ITGA8: variants seen among roughly 807,000 people sequenced by gnomAD.
ITGA8 encodes integrin subunit alpha 8, also known as integrin alpha-8.
ITGA8 carries 91 observed loss-of-function variants against 142.3 expected under a neutral mutation model. That is an observed-to-expected ratio of 0.64 (90% CI 0.54 to 0.76). The LOEUF is 0.76. ITGA8 is among the 30% of genes least tolerant of loss of function. The pLI, the probability that ITGA8 is intolerant of heterozygous loss-of-function variation, is 0.00. For synonymous variants in ITGA8, 505 were observed against 485.2 expected (o/e 1.04, Z -0.54); for missense variants, 1,406 against 1,327.7 (o/e 1.06, Z -0.92).
chr10:15,527,786 T>G (rs903875525), intron 28 of ITGA8, among the ~76,000 whole-genome samples: 6 of 151,970 alleles, frequency 3.9e-5, no homozygotes, highest in Non-Finnish European at 7.4e-5. Context: ...AATAGTAGTC[T>G]CATTATAGAA....
At chr10:15,658,258 C>T (rs539337239) in intron 10 of ITGA8, among the ~76,000 whole-genome samples, 1 of 152,224 alleles carries the variant, frequency 6.6e-6, no homozygotes, top group African/African-American at 2.4e-5. Flanking sequence ...GAAGTCTAAT[C>T]TGTCAGCTGC....
chr10:15,708,936 T>A (rs6602052), intron 2 of ITGA8, among the ~76,000 whole-genome samples: 141,943 of 152,178 alleles, frequency 0.93, 66,833 homozygotes, highest in East Asian at 1. Context: ...CACACTGAAC[T>A]TACAGTGTGA....
chr10:15,704,353 A>AT (rs921440554), intron 2 of ITGA8, among the ~76,000 whole-genome samples: 9 of 152,206 alleles, frequency 5.9e-5, no homozygotes, highest in South Asian at 4.1e-4. Context: ...GCACCTGCTA[A>AT]TTTTTTTAGT....
At chr10:15,544,978 C>G (rs527844400) in intron 27 of ITGA8, among the ~76,000 whole-genome samples, 5 of 152,180 alleles carry the variant, frequency 3.3e-5, no homozygotes, top group African/African-American at 1.2e-4. Context: ...CTCAAGCCTT[C>G]AGATGACTAC....
intron 26 of ITGA8, among the ~76,000 whole-genome samples, chr10:15,549,803 G>T (rs1221199899): frequency 6.6e-6 from 1 of 152,208 alleles, no homozygotes; most frequent in African/African-American, 2.4e-5. Context: ...ATTACGACAA[G>T]AACCTTTTTC....
At chr10:15,584,938 C>T (rs1044382705) in intron 23 of ITGA8, among the ~76,000 whole-genome samples, 2 of 152,088 alleles carry the variant, frequency 1.3e-5, no homozygotes, top group African/African-American at 4.8e-5. Context: ...CCTGTAATCC[C>T]AGCTACTGAG....
intron 6 of ITGA8, among the ~76,000 whole-genome samples, chr10:15,676,861 T>A (rs564399706): frequency 5.3e-5 from 8 of 152,164 alleles, no homozygotes; most frequent in East Asian, 1.9e-4. Context: ...ATACAAAAAT[T>A]AGCTGGGCAT....
chr10:15,548,336 AT>A (rs1455123246), intron 27 of ITGA8, 118 bp downstream of exon 27: 1 of 692,848 alleles, frequency 1.4e-6, no homozygotes, highest in Non-Finnish European at 2.5e-6. Flanking sequence ...CAAGTAATCC[AT>A]CTGCCTCGGA....
At chr10:15,700,728 A>C (rs1835147015) in intron 2 of ITGA8, among the ~76,000 whole-genome samples, 1 of 152,140 alleles carries the variant, frequency 6.6e-6, no homozygotes, top group Non-Finnish European at 1.5e-5. Context: ...CAAGAAAAAA[A>C]CAAACAATCC....
At chr10:15,692,676 C>G (rs567096040) in intron 2 of ITGA8, among the ~76,000 whole-genome samples, 21 of 152,346 alleles carry the variant, frequency 1.4e-4, no homozygotes, top group Non-Finnish European at 2.6e-4. Context: ...GATAACACCT[C>G]AACACAATTG....
intron 27 of ITGA8, among the ~76,000 whole-genome samples, chr10:15,545,999 G>T (rs1368185402): frequency 6.6e-6 from 1 of 152,098 alleles, no homozygotes. Context: ...GTCTCCATTT[G>T]TTCCTCAAAC....
At chr10:15,646,524 G>A (rs1833983532) in intron 12 of ITGA8, among the ~76,000 whole-genome samples, 1 of 152,136 alleles carries the variant, frequency 6.6e-6, no homozygotes, top group African/African-American at 2.4e-5. Flanking sequence ...ATAACCGAAT[G>A]TGTCTTCTAC....
At chr10:15,670,956 C>A (rs1834503674) in intron 8 of ITGA8, among the ~76,000 whole-genome samples, 1 of 152,132 alleles carries the variant, frequency 6.6e-6, no homozygotes, top group Non-Finnish European at 1.5e-5. Flanking sequence ...TGACCCCCCA[C>A]CGTCATCATC....
chr10:15,638,504 C>A (rs562845851), intron 13 of ITGA8, among the ~76,000 whole-genome samples: 51 of 152,320 alleles, frequency 3.3e-4, no homozygotes, highest in African/African-American at 1.2e-3. Flanking sequence ...ACACTGCCCA[C>A]TCTTTTAGAC....
chr10:15,574,493 C>T (rs9333197), intron 24 of ITGA8, among the ~76,000 whole-genome samples: 11,930 of 152,026 alleles, frequency 0.078, 820 homozygotes, highest in East Asian at 0.28. Context: ...CAGGTTCAAG[C>T]GATTCTCCTC....
intron 25 of ITGA8, among the ~76,000 whole-genome samples, chr10:15,571,940 A>C (rs1264601781): frequency 2.0e-5 from 3 of 152,228 alleles, no homozygotes; most frequent in East Asian, 3.8e-4. Context: ...ATGTGCTGCT[A>C]ATTGAGCCAA....
At chr10:15,593,839 ATTTTTT>A (rs35907545) in intron 21 of ITGA8, among the ~76,000 whole-genome samples, 39,289 of 137,256 alleles carry the variant, frequency 0.29, 5,938 homozygotes, top group Non-Finnish European at 0.37. Flanking sequence ...CCCAGCAAAG[ATTTTTT>A]TTTTTTTTTT....
chr10:15,628,043 C>G (rs1342701265), intron 13 of ITGA8, among the ~76,000 whole-genome samples: 1 of 151,966 alleles, frequency 6.6e-6, no homozygotes, highest in African/African-American at 2.4e-5. Flanking sequence ...ACACTCTCAC[C>G]AGCCCTATGA....
chr10:15,712,718 G>T (rs1291893275), intron 2 of ITGA8, among the ~76,000 whole-genome samples: 7 of 152,202 alleles, frequency 4.6e-5, no homozygotes, highest in African/African-American at 1.7e-4. Flanking sequence ...CTCCATCAAT[G>T]CAATTCCCAG....
Sources: allele counts gnomAD v4.1 joint callset (sites outside exome capture counted in the v4.1 genomes callset), GRCh38; gene constraint gnomAD v4.1.1; transcripts MANE v1.5; gene names NCBI Gene and HGNC (gene_info 2026-07-23, HGNC 2026-07-21).